CTNNA2: variants seen among roughly 807,000 people sequenced by gnomAD.
CTNNA2 encodes the protein catenin alpha-2.
A neutral mutation model predicts 101.0 loss-of-function variants in CTNNA2; 42 were observed. The ratio of observed to expected loss-of-function variants is 0.42; its 90% CI spans 0.32 to 0.54. The LOEUF is 0.54. Among genes scored for constraint, CTNNA2 ranks in the 20% least tolerant of loss-of-function variants. The probability of loss-of-function intolerance (pLI) is 0.14; values close to 1 mark genes in which losing one functional copy is unlikely to be tolerated. For synonymous variants in CTNNA2, 450 were observed against 456.4 expected (o/e 0.99, Z 0.18); for missense variants, 871 against 1,223.1 (o/e 0.71, Z 4.29).
At chr2:79,697,000 G>C (rs1303453599) in intron 2 of CTNNA2, among the ~76,000 whole-genome samples, 2 of 151,924 alleles carry the variant, frequency 1.3e-5, no homozygotes, top group African/African-American at 4.8e-5. Flanking sequence ...TGGAGGGTCA[G>C]AAATGGTCAA....
chr2:79,994,586 T>C (rs766061123), intron 7 of CTNNA2, among the ~76,000 whole-genome samples: 3 of 146,928 alleles, frequency 2.0e-5, no homozygotes, highest in Non-Finnish European at 4.5e-5. Flanking sequence ...TTCTGTTTCA[T>C]AGGAAAAAAA....
chr2:80,258,558 G>C (rs1360079843), intron 7 of CTNNA2, among the ~76,000 whole-genome samples: 1 of 152,200 alleles, frequency 6.6e-6, no homozygotes, highest in Non-Finnish European at 1.5e-5. Context: ...AGTCAAGCTA[G>C]GGAATGTTCC....
At chr2:79,956,324 C>A (rs1689219112) in intron 7 of CTNNA2, among the ~76,000 whole-genome samples, 2 of 152,022 alleles carry the variant, frequency 1.3e-5, no homozygotes, top group South Asian at 4.1e-4. Flanking sequence ...TTCCTTTTAA[C>A]AGAATACTTA....
At chr2:80,061,535 G>A (rs890245086) in intron 7 of CTNNA2, among the ~76,000 whole-genome samples, 7 of 152,152 alleles carry the variant, frequency 4.6e-5, no homozygotes, top group African/African-American at 1.7e-4. Flanking sequence ...ATAAACAAAA[G>A]TCTAACTAAC....
intron 3 of CTNNA2, among the ~76,000 whole-genome samples, chr2:79,826,669 A>G (rs1678461513): frequency 6.6e-6 from 1 of 152,200 alleles, no homozygotes; most frequent in Non-Finnish European, 1.5e-5. Context: ...TGCTTCTATG[A>G]GAAGTTTATT....
intron 2 of CTNNA2, among the ~76,000 whole-genome samples, chr2:79,225,963 C>A (rs1674403554): frequency 6.6e-6 from 1 of 152,014 alleles, no homozygotes; most frequent in African/African-American, 2.4e-5. Flanking sequence ...CATTTTAAAT[C>A]TTATACCACA....
intron 3 of CTNNA2, among the ~76,000 whole-genome samples, chr2:79,779,025 A>G (rs1288320618): frequency 3.0e-4 from 41 of 136,928 alleles, no homozygotes; most frequent in Non-Finnish European, 2.9e-5. Context: ...GTTAGAAAAT[A>G]TTTATTTATT....
At chr2:79,793,424 C>G (rs1248620534) in intron 3 of CTNNA2, among the ~76,000 whole-genome samples, 3 of 152,132 alleles carry the variant, frequency 2.0e-5, no homozygotes, top group Non-Finnish European at 2.9e-5. Flanking sequence ...CCACAGGAAG[C>G]TTTATCTTTT....
At chr2:80,350,700 A>G (rs765551353) in intron 7 of CTNNA2, among the ~76,000 whole-genome samples, 1 of 152,172 alleles carries the variant, frequency 6.6e-6, no homozygotes, top group Non-Finnish European at 1.5e-5. Flanking sequence ...ACTTGGAGCC[A>G]ATTTGAACTC....
intron 2 of CTNNA2, among the ~76,000 whole-genome samples, chr2:79,214,831 A>T (rs146445351): frequency 0.015 from 2,223 of 151,184 alleles, 76 homozygotes; most frequent in East Asian, 0.13. Flanking sequence ...AAAAGAGTGC[A>T]TAAAAGTATT....
intron 13 of CTNNA2, among the ~76,000 whole-genome samples, chr2:80,578,066 AC>A (rs1695214449): frequency 6.6e-6 from 1 of 152,174 alleles, no homozygotes; most frequent in South Asian, 2.1e-4. Context: ...CAGCAGGTGA[AC>A]GGGTCCTGTT....
intron 3 of CTNNA2, among the ~76,000 whole-genome samples, chr2:79,773,510 G>A (rs1224226828): frequency 6.6e-6 from 1 of 152,138 alleles, no homozygotes; most frequent in Non-Finnish European, 1.5e-5. Flanking sequence ...ATTCTTTTGA[G>A]TTTCTGATAA....
intron 7 of CTNNA2, among the ~76,000 whole-genome samples, chr2:79,984,239 CTGTT>C (rs1241390072): frequency 6.6e-6 from 1 of 152,180 alleles, no homozygotes; most frequent in African/African-American, 2.4e-5. Flanking sequence ...ACCAGGGCCT[CTGTT>C]TGGAAACCCT....
intron 7 of CTNNA2, among the ~76,000 whole-genome samples, chr2:80,231,871 C>T (rs1423775670): frequency 6.6e-6 from 1 of 151,904 alleles, no homozygotes. Context: ...GTTTTTTTTC[C>T]AGAGAGTCTG....
chr2:80,320,655 T>TAA (rs3040537), intron 7 of CTNNA2, among the ~76,000 whole-genome samples: 42,033 of 151,986 alleles, frequency 0.28, 6,334 homozygotes, highest in African/African-American at 0.42. Context: ...AATATTAGAC[T>TAA]GAGTGATTAA....
At chr2:80,097,144 C>T (rs1196950464) in intron 7 of CTNNA2, among the ~76,000 whole-genome samples, 2 of 152,130 alleles carry the variant, frequency 1.3e-5, no homozygotes, top group African/African-American at 2.4e-5. Flanking sequence ...GTGGCTGGTA[C>T]CGGTTGTTCC....
chr2:80,265,877 A>G (rs1039028642), intron 7 of CTNNA2, among the ~76,000 whole-genome samples: 4 of 152,210 alleles, frequency 2.6e-5, no homozygotes, highest in South Asian at 2.1e-4. Flanking sequence ...TTTTGTCCCA[A>G]CATGGAACAT....
chr2:80,350,856 T>G (rs1264420788), intron 7 of CTNNA2, among the ~76,000 whole-genome samples: 1 of 152,122 alleles, frequency 6.6e-6, no homozygotes, highest in African/African-American at 2.4e-5. Context: ...GACAGAAGTC[T>G]TCTAGATGTC....
chr2:79,454,368 CCT>C (rs2104529574), intron 4 of CTNNA2, among the ~76,000 whole-genome samples: 1 of 152,078 alleles, frequency 6.6e-6, no homozygotes, highest in East Asian at 1.9e-4. Flanking sequence ...TCTAACACAC[CCT>C]CTCACACACA....
Sources: allele counts gnomAD v4.1 joint callset (sites outside exome capture counted in the v4.1 genomes callset), GRCh38; gene constraint gnomAD v4.1.1; transcripts MANE v1.5; gene names NCBI Gene and HGNC (gene_info 2026-07-23, HGNC 2026-07-21).